FGGY: variants seen among roughly 807,000 people sequenced by gnomAD.
FGGY encodes the protein FGGY carbohydrate kinase domain-containing protein.
FGGY carries 72 observed loss-of-function variants against 71.3 expected under a neutral mutation model. The observed-to-expected ratio is 1.01, with a 90% CI of 0.84 to 1.23. The LOEUF (loss-of-function observed/expected upper bound fraction) is 1.23. Among genes scored for constraint, FGGY ranks in the 50% most tolerant of loss-of-function variants. The pLI is 0.00. For synonymous variants in FGGY, 251 were observed against 250.3 expected (o/e 1.00, Z -0.02); for missense variants, 668 against 682.3 (o/e 0.98, Z 0.23).
intron 6 of FGGY, among the ~76,000 whole-genome samples, chr1:59,482,624 GTGTC>G (rs1477395755): frequency 9.7e-6 from 1 of 103,026 alleles, no homozygotes; most frequent in Non-Finnish European, 1.9e-5. Flanking sequence ...GTGTGTGTGT[GTGTC>G]TGTGTGTATA....
At chr1:59,583,610 TG>T (rs964639582) in intron 8 of FGGY, among the ~76,000 whole-genome samples, 1 of 142,100 alleles carries the variant, frequency 7.0e-6, no homozygotes, top group African/African-American at 2.8e-5. Flanking sequence ...GGAAGCTTCA[TG>T]GGGGGCACAC....
At chr1:59,401,596 A>C (rs1470991152) in intron 5 of FGGY, among the ~76,000 whole-genome samples, 2 of 152,230 alleles carry the variant, frequency 1.3e-5, no homozygotes, top group Non-Finnish European at 2.9e-5. Flanking sequence ...TGAGGCAGAG[A>C]TATTAAGTAA....
At chr1:59,724,218 C>T (rs1384830045) in intron 14 of FGGY, among the ~76,000 whole-genome samples, 3 of 151,618 alleles carry the variant, frequency 2.0e-5, no homozygotes, top group African/African-American at 7.3e-5. Context: ...GTGGCTCATG[C>T]CTGTAATCCC....
At chr1:59,298,399 T>A (rs886529480) in intron 1 of FGGY, among the ~76,000 whole-genome samples, 1 of 152,150 alleles carries the variant, frequency 6.6e-6, no homozygotes, top group African/African-American at 2.4e-5. Context: ...GTTGGGAGCC[T>A]GCCTGGCTGG....
At chr1:59,384,339 T>G (rs1452317294) in intron 5 of FGGY, among the ~76,000 whole-genome samples, 1 of 152,130 alleles carries the variant, frequency 6.6e-6, no homozygotes, top group African/African-American at 2.4e-5. Flanking sequence ...CAAAGGTGGT[T>G]GCCCTTTCCC....
chr1:59,681,978 T>A (rs2097505023), intron 14 of FGGY, among the ~76,000 whole-genome samples: 1 of 152,186 alleles, frequency 6.6e-6, no homozygotes, highest in African/African-American at 2.4e-5. Flanking sequence ...AGGTATTTGA[T>A]CCTCTGCAGT....
At chr1:59,480,573 C>G (rs913334674) in intron 6 of FGGY, among the ~76,000 whole-genome samples, 1 of 152,084 alleles carries the variant, frequency 6.6e-6, no homozygotes, top group Non-Finnish European at 1.5e-5. Context: ...CACATTTCAG[C>G]CTTCAATAAA....
intron 8 of FGGY, among the ~76,000 whole-genome samples, chr1:59,588,663 T>A (rs1036883163): frequency 2.6e-5 from 4 of 152,106 alleles, no homozygotes; most frequent in African/African-American, 9.7e-5. Context: ...GAATTTTCAA[T>A]CCAGAATTTC....
chr1:59,684,041 T>A (rs1275614604), intron 14 of FGGY, among the ~76,000 whole-genome samples: 1 of 152,054 alleles, frequency 6.6e-6, no homozygotes, highest in South Asian at 2.1e-4. Context: ...TGTAGGGGCC[T>A]CGATGGCCAT....
intron 1 of FGGY, among the ~76,000 whole-genome samples, chr1:59,307,313 C>CAAAAAAA (rs398049311): frequency 7.4e-5 from 5 of 67,364 alleles, no homozygotes; most frequent in African/African-American, 1.1e-4. Flanking sequence ...GACCCTGTCT[C>CAAAAAAA]AAAAAAAAAA....
At position 59,647,683 on chromosome 1, in the gene FGGY, A is replaced by G. The variant is rs61692886; in HGVS notation, c.1221+9308A>G. Among the ~76,000 whole-genome samples the G allele has an allele frequency of 3.7e-3, 542 of 146,220 alleles. 4 individuals are homozygous for G. Among genetic ancestry groups the G allele is most frequent in the African/African-American group, 0.013 (511 of 40,078 alleles). Reference sequence around the variant, plus strand: ...TTTCCATGTTAAAGGTCAGCCAGTGATCCTTCTCAGCTTTCAGAGGCCTCC... The same window carrying G: ...TTTCCATGTTAAAGGTCAGCCAGTGGTCCTTCTCAGCTTTCAGAGGCCTCC... On this transcript the variant is annotated intron_variant, in intron 11 of 15. Coordinates refer to ENST00000303721, the MANE Select transcript of FGGY (RefSeq NM_018291.5).
chr1:59,576,677 G>GACACACACACACACAC (rs57817494), intron 8 of FGGY, among the ~76,000 whole-genome samples: 2 of 130,056 alleles, frequency 1.5e-5, no homozygotes, highest in East Asian at 2.5e-4. Flanking sequence ...CAGACAGACA[G>GACACACACACACACAC]ACACACACAC....
chr1:59,540,624 A>T (rs2095425507), intron 7 of FGGY, among the ~76,000 whole-genome samples: 1 of 152,222 alleles, frequency 6.6e-6, no homozygotes, highest in Non-Finnish European at 1.5e-5. Context: ...GTAAGACTCC[A>T]CTAAATTCTA....
At chr1:59,598,992 T>A (rs1304396793) in intron 8 of FGGY, among the ~76,000 whole-genome samples, 2 of 152,184 alleles carry the variant, frequency 1.3e-5, no homozygotes, top group Non-Finnish European at 2.9e-5. Flanking sequence ...CAGAGTTAAG[T>A]GAAGATGCAG....
chr1:59,617,045 C>G (rs780004019), intron 9 of FGGY, among the ~76,000 whole-genome samples: 2 of 152,104 alleles, frequency 1.3e-5, no homozygotes, highest in African/African-American at 2.4e-5. Flanking sequence ...TAAAATACAT[C>G]ATTGTCACAT....
At chr1:59,428,907 TG>T (rs1448110745) in intron 5 of FGGY, among the ~76,000 whole-genome samples, 4 of 152,210 alleles carry the variant, frequency 2.6e-5, no homozygotes, top group African/African-American at 9.6e-5. Context: ...ATGTCTGTTC[TG>T]TTGTCCAGAA....
chr1:59,371,556 C>A (rs867253785), intron 4 of FGGY, among the ~76,000 whole-genome samples: 1 of 152,182 alleles, frequency 6.6e-6, no homozygotes, highest in Non-Finnish European at 1.5e-5. Context: ...AACAAGCAGA[C>A]CTAATAGACA....
chr1:59,356,868 A>G (rs2054424033), intron 4 of FGGY, among the ~76,000 whole-genome samples: 2 of 152,190 alleles, frequency 1.3e-5, no homozygotes, highest in Non-Finnish European at 2.9e-5. Flanking sequence ...AGACTGAGAC[A>G]GTAACTCCTC....
intron 14 of FGGY, among the ~76,000 whole-genome samples, chr1:59,699,884 C>A (rs563908778): frequency 6.6e-6 from 1 of 152,254 alleles, no homozygotes; most frequent in South Asian, 2.1e-4. Context: ...ATCTCTAATT[C>A]TTCTATTTGC....
Sources: gnomAD v4.1 joint callset for allele counts (sites outside exome capture counted in the v4.1 genomes callset) on GRCh38, gnomAD v4.1.1 for gene constraint, MANE v1.5 for transcripts, NCBI Gene and HGNC (gene_info 2026-07-23, HGNC 2026-07-21) for gene names.